Variants in PRPF40B observed in about 807,000 individuals in gnomAD.
The protein encoded by PRPF40B is pre-mRNA-processing factor 40 homolog B.
A neutral mutation model predicts 124.5 loss-of-function variants in PRPF40B; 56 were observed. The observed-to-expected ratio is 0.45, with a 90% CI of 0.36 to 0.56. The LOEUF is 0.56. Ranked by LOEUF, PRPF40B falls within the 20% of genes least tolerant of loss-of-function variation. The pLI, the probability that PRPF40B is intolerant of heterozygous loss-of-function variation, is 0.00. For missense variants in PRPF40B, 1,053 were observed against 1,169.5 expected (o/e 0.90, Z 1.45); for synonymous variants, 443 against 426.4 (o/e 1.04, Z -0.48).
At chr12:49,623,355 A>C, upstream of PRPF40B, 1 of 200,588 alleles carries the variant, frequency 5.0e-6, no homozygotes. Context: ...CGGGGGGCGG[A>C]CCCGGGACGC....
In PRPF40B at chr12:49,635,066, C is replaced by A; in HGVS notation, c.1002-33C>A. ...GTGCAGAGTGGTTCGGGTGACTTCT[C>A]TATCCCCACCCCACTCCTACCCTCT... On this transcript the variant is annotated intron_variant, in intron 12 of 25. Coordinates refer to ENST00000548825, the MANE Select transcript of PRPF40B (RefSeq NM_001031698.3). This position sits in a 1 kb window ranked among gnomAD's most constrained non-coding sequence, Gnocchi z 4.1. 1.3e-6 allele frequency: 2 copies of A among 1,591,266 alleles called. No homozygotes were observed. Among genetic ancestry groups the A allele is most frequent in the Non-Finnish European group, 1.7e-6 (2 of 1,169,372 alleles).
rs778813456 is a variant in PRPF40B, at chr12:49,643,912, G to T, written c.2494G>T (p.Asp832Tyr). Reference sequence around the variant, plus strand: ...TGAGGAGAAAGCTGGCAAGGAGAGCGATGAGAAAGAACAAGAACAGGACAA... The same window carrying T: ...TGAGGAGAAAGCTGGCAAGGAGAGCTATGAGAAAGAACAAGAACAGGACAA... ...DPEEKAGKES[D>Y]EKEQEQDKDR... is the part of the protein sequence containing the mutation. Residue 832 changes from aspartate to tyrosine, a missense_variant, in exon 25 of 26, where the codon GAT becomes TAT. Physicochemically the swap from Asp to Tyr is radical, Grantham distance 160. Around this residue, in one of 2 missense-constraint regions of PRPF40B, gnomAD observed 895 missense variants for 1,052.2 expected, o/e 0.85. Transcript: ENST00000548825. 7 of 1,614,196 alleles carry T rather than the reference G, an allele frequency of 4.3e-6. No individual in the cohort carries two copies. The highest frequency in any genetic ancestry group is 5.9e-6 in the Non-Finnish European group (7 of 1,180,036).
Position 49,643,013 on chromosome 12 carries a change from C to T in PRPF40B, c.2202C>T (p.Pro734=). 4.3e-6 allele frequency: 7 copies of T among 1,613,418 alleles called. No individual in the cohort carries two copies. The highest frequency in any genetic ancestry group is 5.9e-6 in the Non-Finnish European group (7 of 1,179,536). The stretch of plus-strand genomic sequence containing the variant: ...ACCATCACAAGCGTTCCCACTCACC[C>T]TCAGTGAGTAAGCGTGTAGAAGGGA... The part of the protein sequence containing the change: ...KKHHHKRSHS[P]SGSESEEEEL... Residue 734 remains proline (P), a synonymous_variant, in exon 22 of 26, where the codon CCC becomes CCT. Transcript: ENST00000548825.
chr12:49,642,550 G>C lies in PRPF40B; in HGVS notation c.2023-30G>C. On this transcript the variant is annotated intron_variant, in intron 20 of 25. Transcript: ENST00000548825. The surrounding 1 kb of genome is among the most constrained non-coding windows in gnomAD (Gnocchi z 5.8). ...TCCAGGCCAGGCTGAGTGGGGCCTAGTCTGATCAGCAGTGCTCTCCTCGTT... is the reference window on the plus strand; with the variant it reads ...TCCAGGCCAGGCTGAGTGGGGCCTACTCTGATCAGCAGTGCTCTCCTCGTT... The C allele has an allele frequency of 6.2e-7, 1 of 1,612,734 alleles. No homozygotes were observed. The highest frequency in any genetic ancestry group is 8.5e-7 in the Non-Finnish European group (1 of 1,178,820).
At position 49,635,616 on chromosome 12, in the gene PRPF40B, A is replaced by G. The variant is rs1565834935; in HGVS notation, c.1275+143A>G. On this transcript the variant is annotated intron_variant, in intron 14 of 25. Transcript: ENST00000548825. The surrounding 1 kb of genome is among the most constrained non-coding windows in gnomAD (Gnocchi z 4.1). ...TTGGAAGCTGGTATGGGACTTGCAC[A>G]TCTCATTTCTGCTCTGGGCCTATAG... is the stretch of plus-strand genomic sequence containing the variant. 2.2e-6 allele frequency: 2 copies of G among 927,420 alleles called. No homozygotes were observed. The highest frequency in any genetic ancestry group is 3.4e-5 in the South Asian group (2 of 59,008). 57.4% of individuals were successfully genotyped at this position (927,420 alleles called of 1,614,324 possible). A position where few individuals can be genotyped will look rare whatever the true frequency, so the allele number is the denominator to read the frequency against.
intron 18 of PRPF40B, chr12:49,639,417 A>C (rs1404047637): frequency 6.6e-6 from 1 of 152,328 alleles, no homozygotes; most frequent in Non-Finnish European, 1.5e-5. Context: ...AGCAGGGAGA[A>C]AAGTCAGTAG....
chr12:49,643,170 C>T, intron 22 of PRPF40B, 53 bp from the exon 23 acceptor site: 4 of 1,606,404 alleles, frequency 2.5e-6, no homozygotes, highest in Non-Finnish European at 3.4e-6. Flanking sequence ...CAGACGAGGG[C>T]TTCTGGAGGG....
In PRPF40B at chr12:49,631,291, A is replaced by G; in HGVS notation, c.85-110A>G. On this transcript the variant is annotated intron_variant, in intron 2 of 25. Coordinates refer to ENST00000548825, the MANE Select transcript of PRPF40B (RefSeq NM_001031698.3). The surrounding 1 kb of genome is among the most constrained non-coding windows in gnomAD (Gnocchi z 4.3). ...TAAAGCCTTGGAATTGCCTCAGAGCAGGGTGGAGGGTTGGGGAGGGAGGTG... is the reference window on the plus strand; with the variant it reads ...TAAAGCCTTGGAATTGCCTCAGAGCGGGGTGGAGGGTTGGGGAGGGAGGTG... 1 of 745,242 alleles carries G rather than the reference A, an allele frequency of 1.3e-6. No homozygotes were observed. The highest frequency in any genetic ancestry group is 2.1e-6 in the Non-Finnish European group (1 of 471,326). 46.2% of individuals were successfully genotyped at this position (745,242 alleles called of 1,614,324 possible).
At chr12:49,637,698 C>A in intron 17 of PRPF40B, 35 bp from the exon 18 acceptor site, 1 of 1,465,328 alleles carries the variant, frequency 6.8e-7, no homozygotes, top group Non-Finnish European at 9.4e-7. Context: ...TGGGAAGCTG[C>A]CGCCCGCCAG....
rs1448973906 is a variant in PRPF40B, at chr12:49,635,375, C to G, written c.1177C>G (p.Gln393Glu). The stretch of plus-strand genomic sequence containing the variant: ...TTATATGCTCCACAGGCGGGCAGAA[C>G]AGACCTTTGGGGAGCTGGAGGTCTG... ...TSTTRYRRAE[Q>E]TFGELEVWAV... The change falls in exon 14 of 26, where the codon CAG becomes GAG. Residue 393 changes from glutamine to glutamate, a missense_variant. Around this residue, in one of 2 missense-constraint regions of PRPF40B, gnomAD observed 895 missense variants for 1,052.2 expected, o/e 0.85. Transcript: ENST00000548825. This position sits in a 1 kb window ranked among gnomAD's most constrained non-coding sequence, Gnocchi z 4.1. The G allele has an allele frequency of 6.8e-6, 11 of 1,613,510 alleles. No homozygotes were observed. Among genetic ancestry groups the G allele is most frequent in the Non-Finnish European group, 9.3e-6 (11 of 1,179,704 alleles).
chr12:49,623,305 G>A (rs533024999), upstream of PRPF40B: 46 of 172,072 alleles, frequency 2.7e-4, no homozygotes, highest in East Asian at 7.1e-3. Context: ...GCCGGCCCCC[G>A]ACCGTCAGTC....
At position 49,630,566 on chromosome 12, in the gene PRPF40B, C is replaced by G; in HGVS notation, c.25C>G (p.Arg9Gly). 5.0e-6 allele frequency: 7 copies of G among 1,394,498 alleles called. No individual in the cohort carries two copies. Among genetic ancestry groups the G allele is most frequent in the Admixed American group, 1.8e-5 (1 of 57,128 alleles). 86.4% of individuals were successfully genotyped at this position (1,394,498 alleles called of 1,614,324 possible). A position where few individuals can be genotyped will look rare whatever the true frequency, so the allele number is the denominator to read the frequency against. MSVPDSGP[R>G]PPAAPAPFPP... ...ACAGTCGGTTCCCGATTCTGGTCCC[C>G]GGCCCCCAGCAGCGCCTGCCCCCTT... is the stretch of plus-strand genomic sequence containing the variant. Residue 9 changes from arginine to glycine, a missense_variant, in exon 2 of 26, where the codon CGG becomes GGG. Transcript: ENST00000548825.
At chr12:49,628,119 G>A (rs1369244987) in intron 1 of PRPF40B, among the ~76,000 whole-genome samples, 1 of 152,200 alleles carries the variant, frequency 6.6e-6, no homozygotes, top group Non-Finnish European at 1.5e-5. Flanking sequence ...GACTTCCCAT[G>A]CTGAGGAAAG....
chr12:49,641,759 G>T, intron 18 of PRPF40B, 149 bp from the exon 19 acceptor site: 1 of 633,876 alleles, frequency 1.6e-6, no homozygotes, highest in Non-Finnish European at 2.8e-6. Context: ...TGAGGACTTG[G>T]ATAACTTGGT....
intron 6 of PRPF40B, 45 bp downstream of exon 6, chr12:49,632,925 G>A (rs770702186): frequency 6.2e-7 from 1 of 1,612,908 alleles, no homozygotes; most frequent in Admixed American, 1.7e-5. Context: ...AAGCCTGAGA[G>A]TGGGGGACTG....
At chr12:49,634,300 G>A in intron 10 of PRPF40B, 32 bp from the exon 11 acceptor site, 3 of 1,613,846 alleles carry the variant, frequency 1.9e-6, no homozygotes, top group Non-Finnish European at 2.5e-6. Context: ...AGAGCTGGGG[G>A]ACCCTGTGGC....
upstream of PRPF40B, among the ~76,000 whole-genome samples, chr12:49,623,000 G>A (rs1940338915): frequency 6.6e-6 from 1 of 151,886 alleles, no homozygotes; most frequent in African/African-American, 2.4e-5. Flanking sequence ...GAACTTCAGG[G>A]TCACGCGAGA....
At position 49,642,967 on chromosome 12, in the gene PRPF40B, A is replaced by G. The variant is rs199808082; in HGVS notation, c.2156A>G (p.His719Arg). 4.0e-5 allele frequency: 64 copies of G among 1,613,770 alleles called. No individual in the cohort carries two copies. Among genetic ancestry groups the G allele is most frequent in the South Asian group, 4.0e-4 (36 of 91,024 alleles). ...CACCTCCACACCAAAGGCCGAAAGCATGGCAGGAAAGGCAAGAAGCACCAT... is the reference window on the plus strand; with the variant it reads ...CACCTCCACACCAAAGGCCGAAAGCGTGGCAGGAAAGGCAAGAAGCACCAT... Reference protein sequence around the residue: ...CQHLHTKGRKHGRKGKKHHHK... With the variant: ...CQHLHTKGRKRGRKGKKHHHK... Residue 719 changes from histidine to arginine, a missense_variant, in exon 22 of 26, where the codon CAT (histidine) becomes CGT (arginine). His to Arg is a conservative substitution (Grantham distance 29, BLOSUM62 0). Transcript: ENST00000548825. The surrounding 1 kb of genome is among the most constrained non-coding windows in gnomAD (Gnocchi z 5.8).
At chr12:49,643,815 C>G in intron 24 of PRPF40B, 46 bp from the exon 25 acceptor site, 1 of 1,613,852 alleles carries the variant, frequency 6.2e-7, no homozygotes, top group Admixed American at 1.7e-5. Flanking sequence ...ACCTGCCTCC[C>G]AGGCTATCCA....
Sources: allele counts gnomAD v4.1 joint callset (sites outside exome capture counted in the v4.1 genomes callset), GRCh38; gene constraint gnomAD v4.1.1; regional missense constraint gnomAD v4.1.1; non-coding constraint Gnocchi (gnomAD v3.1); transcripts MANE v1.5; gene names NCBI Gene and HGNC (gene_info 2026-07-23, HGNC 2026-07-21).